The following SHROOM3 variants were observed in gnomAD, a reference collection of about 807,000 sequenced individuals.
SHROOM3 encodes the protein shroom family member 3.
Under a neutral mutation model 138.6 loss-of-function variants are expected in SHROOM3, and 47 were observed. The observed-to-expected ratio is 0.34, with a 90% confidence interval of 0.27 to 0.43. The LOEUF (loss-of-function observed/expected upper bound fraction) is 0.43, where lower values mean the gene tolerates loss of function less well. Ranked by LOEUF, SHROOM3 falls within the 20% of genes least tolerant of loss-of-function variation. The probability of loss-of-function intolerance (pLI) is 1.00; values close to 1 mark genes in which losing one functional copy is unlikely to be tolerated. For missense variants in SHROOM3, 2,491 were observed against 2,596.5 expected, an observed-to-expected ratio of 0.96 and a Z score of 0.88; for synonymous variants, 1,062 against 1,063.3, an observed-to-expected ratio of 1.00 and a Z score of 0.02.
At position 76,740,021 on chromosome 4, in the gene SHROOM3, CAAG is replaced by C. The variant is rs781253018; in HGVS notation, c.1850_1852del (p.Lys617del). The C allele has an allele frequency of 3.1e-6, 5 of 1,613,964 alleles. No individual in the cohort carries two copies. Among genetic ancestry groups the C allele is most frequent in the Non-Finnish European group, 4.2e-6 (5 of 1,180,052 alleles). ...CTCAGGCCTGGCAAGCGGGTGAAGA[CAAG>C]AGATCTTCCAGGCTCTCAGAGCCCT... On this transcript the variant is annotated inframe_deletion, in exon 5 of 11. Transcript: ENST00000296043. The surrounding 1 kb of genome is among the most constrained non-coding windows in gnomAD (Gnocchi z 4.0).
chr4:76,569,413 C>T (rs1222614399), intron 2 of SHROOM3, among the ~76,000 whole-genome samples: 2 of 152,038 alleles, frequency 1.3e-5, no homozygotes, highest in African/African-American at 4.8e-5. Flanking sequence ...GTCAAAGCAC[C>T]CAGAAATGAA....
intron 2 of SHROOM3, among the ~76,000 whole-genome samples, chr4:76,678,598 G>T (rs1577969144): frequency 6.6e-6 from 1 of 152,134 alleles, no homozygotes; most frequent in Non-Finnish European, 1.5e-5. Flanking sequence ...GAATAAAATT[G>T]AAAGGCCCAA....
intron 4 of SHROOM3, among the ~76,000 whole-genome samples, chr4:76,735,328 T>A (rs1356498901): frequency 6.6e-6 from 1 of 152,042 alleles, no homozygotes; most frequent in Non-Finnish European, 1.5e-5. Flanking sequence ...CTTGTCCTAG[T>A]GAGTGATATC....
intron 2 of SHROOM3, among the ~76,000 whole-genome samples, chr4:76,660,114 C>T (rs1376008005): frequency 2.6e-5 from 4 of 152,124 alleles, no homozygotes; most frequent in South Asian, 4.2e-4. Flanking sequence ...CACTGCCACC[C>T]GCCTCTGTGC....
intron 2 of SHROOM3, among the ~76,000 whole-genome samples, chr4:76,656,329 C>G (rs764064822): frequency 2.0e-5 from 3 of 152,106 alleles, no homozygotes; most frequent in Non-Finnish European, 2.9e-5. Context: ...CAGTTCACAC[C>G]CAGTCCAATT....
intron 2 of SHROOM3, chr4:76,689,437 A>T (rs1278438755): frequency 1.3e-5 from 10 of 785,448 alleles, no homozygotes; most frequent in Non-Finnish European, 1.5e-5. Context: ...GGGCGGGACG[A>T]GAGGTGGGCG....
intron 2 of SHROOM3, among the ~76,000 whole-genome samples, chr4:76,662,843 G>T (rs959484724): frequency 6.6e-6 from 1 of 152,052 alleles, no homozygotes; most frequent in Non-Finnish European, 1.5e-5. Flanking sequence ...GATTGCGACA[G>T]TGTGCTCCAG....
At position 76,780,380 on chromosome 4, in the gene SHROOM3, C is replaced by T. The variant is rs1722702534; in HGVS notation, c.*1203C>T. ...TACAGCTGCTGGAGATGGCAGTAGCCTTATACTTTGAGCAGGTAGTACATC... is the reference window on the plus strand; with the variant it reads ...TACAGCTGCTGGAGATGGCAGTAGCTTTATACTTTGAGCAGGTAGTACATC... On this transcript the variant is annotated 3_prime_UTR_variant, in exon 11 of 11. Transcript: ENST00000296043. 1 of 152,156 alleles carries T rather than the reference C, an allele frequency of 6.6e-6. No homozygotes were observed. Among genetic ancestry groups the T allele is most frequent in the African/African-American group, 2.4e-5 (1 of 41,422 alleles). 9.4% of individuals were successfully genotyped at this position (152,156 alleles called of 1,614,324 possible).
intron 2 of SHROOM3, among the ~76,000 whole-genome samples, chr4:76,593,049 G>A (rs1734306671): frequency 6.6e-6 from 1 of 152,138 alleles, no homozygotes; most frequent in Non-Finnish European, 1.5e-5. Context: ...ACTAGCTCAG[G>A]AAATTAGAAC....
chr4:76,626,167 C>T (rs563346789), intron 2 of SHROOM3, among the ~76,000 whole-genome samples: 2 of 152,160 alleles, frequency 1.3e-5, no homozygotes, highest in African/African-American at 2.4e-5. Flanking sequence ...CTTCATCAGG[C>T]GAACCCTAAT....
chr4:76,504,845 T>G (rs6831870), intron 1 of SHROOM3, among the ~76,000 whole-genome samples: 44,834 of 152,060 alleles, frequency 0.29, 7,424 homozygotes, highest in African/African-American at 0.43. Context: ...CCAGGATGGT[T>G]GGGGTAAGTA....
At chr4:76,635,134 C>T (rs976678994) in intron 2 of SHROOM3, among the ~76,000 whole-genome samples, 2 of 152,102 alleles carry the variant, frequency 1.3e-5, no homozygotes, top group African/African-American at 4.8e-5. Flanking sequence ...CAAAATTACC[C>T]TGGAAGACTG....
chr4:76,608,658 TAGCATAGCACAGCATAGCACAGCAC>T lies in SHROOM3; in HGVS notation c.323+52900_323+52924del, dbSNP rs1266059983. Among the ~76,000 whole-genome samples the T allele has an allele frequency of 9.5e-4, 37 of 39,054 alleles. 1 individual carries two copies. Among genetic ancestry groups the T allele is most frequent in the Admixed American group, 1.9e-3 (4 of 2,108 alleles). The allele number at this position is 39,054 out of a possible 152,430, so 25.6% of individuals were successfully genotyped here. ...TAGCATAGCATAGCATAGCATAGCA[TAGCATAGCACAGCATAGCACAGCAC>T]AGCACAGCACAGCACAGCACAGCAC... On this transcript the variant is annotated intron_variant, in intron 2 of 10. Transcript: ENST00000296043.
chr4:76,496,826 G>A (rs537598413), intron 1 of SHROOM3, among the ~76,000 whole-genome samples: 5 of 152,014 alleles, frequency 3.3e-5, no homozygotes, highest in Admixed American at 6.6e-5. Flanking sequence ...TCTCCCCAGA[G>A]TATTTCAGAG....
intron 3 of SHROOM3, among the ~76,000 whole-genome samples, chr4:76,712,026 TC>T (rs1460655769): frequency 6.6e-6 from 1 of 152,152 alleles, no homozygotes; most frequent in East Asian, 1.9e-4. Context: ...TATCACTCTT[TC>T]CTTTAGCCTG....
intron 1 of SHROOM3, among the ~76,000 whole-genome samples, chr4:76,440,386 C>T (rs1291890560): frequency 6.6e-6 from 1 of 152,208 alleles, no homozygotes; most frequent in African/African-American, 2.4e-5. Flanking sequence ...ACACCCTATG[C>T]CATTCAGTCT....
chr4:76,604,221 T>C (rs993693075), intron 2 of SHROOM3, among the ~76,000 whole-genome samples: 2 of 152,186 alleles, frequency 1.3e-5, no homozygotes, highest in African/African-American at 4.8e-5. Context: ...GAAGAGGATG[T>C]TTTCAACACT....
chr4:76,608,264 G>T (rs1414919744), intron 2 of SHROOM3, among the ~76,000 whole-genome samples: 1 of 152,200 alleles, frequency 6.6e-6, no homozygotes, highest in Non-Finnish European at 1.5e-5. Flanking sequence ...TCGTTCATCA[G>T]TGAGCCTGGT....
At chr4:76,615,150 G>T (rs1297374158) in intron 2 of SHROOM3, among the ~76,000 whole-genome samples, 1 of 152,230 alleles carries the variant, frequency 6.6e-6, no homozygotes, top group Non-Finnish European at 1.5e-5. Flanking sequence ...TAGCACATTT[G>T]AAGACACGCC....
Sources: gnomAD v4.1 joint callset for allele counts (sites outside exome capture counted in the v4.1 genomes callset) on GRCh38, gnomAD v4.1.1 for gene constraint, Gnocchi (gnomAD v3.1) non-coding constraint, MANE v1.5 for transcripts, NCBI Gene and HGNC (gene_info 2026-07-23, HGNC 2026-07-21) for gene names.